MYH14: variants seen among roughly 807,000 people sequenced by gnomAD.
MYH14 encodes myosin heavy chain 14, also known as myosin-14.
Under a neutral mutation model 255.5 loss-of-function variants are expected in MYH14, and 123 were observed. That is an observed-to-expected ratio of 0.48 (90% CI 0.42 to 0.56). MYH14 has a LOEUF of 0.56. MYH14 is among the 20% of genes least tolerant of loss of function. The pLI, the probability that MYH14 is intolerant of heterozygous loss-of-function variation, is 0.00. For synonymous variants in MYH14, 1,095 were observed against 1,161.2 expected, an observed-to-expected ratio of 0.94 and a Z score of 1.16; for missense variants, 2,423 against 2,802.3, an observed-to-expected ratio of 0.86 and a Z score of 3.06.
chr19:50,287,032 C>T (rs1450273010), intron 34 of MYH14, among the ~76,000 whole-genome samples: 1 of 152,020 alleles, frequency 6.6e-6, no homozygotes, highest in African/African-American at 2.4e-5. Context: ...GCAGGAGAAT[C>T]GCTTGAATTC....
At chr19:50,301,418 T>C (rs1008545865) in intron 39 of MYH14, among the ~76,000 whole-genome samples, 3 of 152,174 alleles carry the variant, frequency 2.0e-5, no homozygotes, top group Non-Finnish European at 2.9e-5. Context: ...CGTGGACTTA[T>C]TAAAGTAAGC....
At position 50,245,429 on chromosome 19, in the gene MYH14, AAAAGAAGAAGAAAGAAAG is replaced by A. The variant is rs1332816728; in HGVS notation, c.1210+1096_1210+1113del. On this transcript the variant is annotated intron_variant, in intron 11 of 42. Coordinates refer to ENST00000642316, the MANE Select transcript of MYH14 (RefSeq NM_001145809.2). ...AGCAAGAATCTGTCTCCAAAAAAAA[AAAAGAAGAAGAAAGAAAG>A]AAAAAGAAGAAGAAAGAAAGAAAAA... Among the ~76,000 whole-genome samples the A allele has an allele frequency of 2.6e-3, 346 of 130,916 alleles. 7 individuals carry two copies. The highest frequency in any genetic ancestry group is 9.5e-3 in the African/African-American group (330 of 34,912). The allele number at this position is 130,916 out of a possible 152,430, so 85.9% of individuals were successfully genotyped here.
At position 50,221,713 on chromosome 19, in the gene MYH14, G is replaced by A. The variant is rs1288716744; in HGVS notation, c.563-1370G>A. Reference sequence around the variant, plus strand: ...GCTGGTCTTGAACTCCTGACTTCGGGTGATCTGCTGGCCTCGGCCTCCCAA... The same window carrying A: ...GCTGGTCTTGAACTCCTGACTTCGGATGATCTGCTGGCCTCGGCCTCCCAA... On this transcript the variant is annotated intron_variant, in intron 3 of 42. Transcript: ENST00000642316. This position sits in a 1 kb window ranked among gnomAD's most constrained non-coding sequence, Gnocchi z 5.3. Among the ~76,000 whole-genome samples, 2 of 152,108 alleles carry A rather than the reference G, an allele frequency of 1.3e-5. No homozygotes were observed. The highest frequency in any genetic ancestry group is 6.5e-5 in the Admixed American group (1 of 15,272).
At position 50,267,165 on chromosome 19, in the gene MYH14, C is replaced by G. The variant is rs186186996; in HGVS notation, c.2826+157C>G. Among the ~76,000 whole-genome samples the G allele has an allele frequency of 7.9e-3, 1,205 of 151,984 alleles. 17 individuals are homozygous for G. Among genetic ancestry groups the G allele is most frequent in the African/African-American group, 0.026 (1,073 of 41,396 alleles). On this transcript the variant is annotated intron_variant, in intron 23 of 42. Coordinates refer to ENST00000642316, the MANE Select transcript of MYH14 (RefSeq NM_001145809.2). The stretch of plus-strand genomic sequence containing the variant: ...GGAGCAAAGCTAAGGTGTACTGAGG[C>G]CGGGCGGGGATTGGGGCTGTTTAGT...
chr19:50,220,645 C>T (rs905384590), intron 3 of MYH14, among the ~76,000 whole-genome samples: 45 of 151,954 alleles, frequency 3.0e-4, no homozygotes, highest in Non-Finnish European at 4.0e-4. Flanking sequence ...AACCTCCTCC[C>T]GGGTTCAAGC....
chr19:50,255,575 G>A (rs1046498741), intron 17 of MYH14, among the ~76,000 whole-genome samples: 1 of 152,084 alleles, frequency 6.6e-6, no homozygotes, highest in African/African-American at 2.4e-5. Context: ...CACTTACTAT[G>A]TGCCGTTCAC....
At chr19:50,301,906 TC>T (rs1371551017) in intron 40 of MYH14, 37 bp downstream of exon 40, 1 of 1,528,912 alleles carries the variant, frequency 6.5e-7, no homozygotes, top group Non-Finnish European at 9.0e-7. Context: ...AAAGGTGACC[TC>T]CACATTCTGG....
Position 50,250,730 on chromosome 19 carries a change from T to C in MYH14, c.1830+42T>C. The C allele has an allele frequency of 6.3e-7, 1 of 1,575,514 alleles. No homozygotes were observed. Among genetic ancestry groups the C allele is most frequent in the South Asian group, 1.2e-5 (1 of 86,240 alleles). On this transcript the variant is annotated intron_variant, in intron 15 of 42. Coordinates refer to ENST00000642316, the MANE Select transcript of MYH14 (RefSeq NM_001145809.2). The surrounding 1 kb of genome is among the most constrained non-coding windows in gnomAD (Gnocchi z 5.4). ...GCCTTGGGGCATGTGGGAGTGGGGATCAAGGGATCTCCACTGGCTACAGAT... is the reference window on the plus strand; with the variant it reads ...GCCTTGGGGCATGTGGGAGTGGGGACCAAGGGATCTCCACTGGCTACAGAT...
intron 39 of MYH14, among the ~76,000 whole-genome samples, chr19:50,296,984 T>TGGTTTG (rs35580414): frequency 3.3e-5 from 5 of 151,628 alleles, no homozygotes; most frequent in Non-Finnish European, 7.4e-5. Flanking sequence ...CTCTGTTTTT[T>TGGTTTG]TTTGTTTGTT....
chr19:50,228,945 T>A (rs996712472), intron 8 of MYH14, among the ~76,000 whole-genome samples: 1 of 152,202 alleles, frequency 6.6e-6, no homozygotes, highest in African/African-American at 2.4e-5. Context: ...CCCTCGGCAC[T>A]AGCATCAGTG....
intron 32 of MYH14, 46 bp from the exon 33 acceptor site, chr19:50,281,548 C>T: frequency 6.6e-7 from 1 of 1,523,718 alleles, no homozygotes; most frequent in Non-Finnish European, 8.8e-7. Flanking sequence ...ACACCTTGGT[C>T]ACTCATGGCC....
intron 7 of MYH14, 117 bp from the exon 8 acceptor site, chr19:50,226,786 G>T (rs1381871464): frequency 3.0e-5 from 27 of 914,466 alleles, no homozygotes; most frequent in African/African-American, 3.3e-5. Flanking sequence ...AGGGAGCAAG[G>T]AAGTGGGGGG....
chr19:50,287,603 G>A (rs1307305780), intron 34 of MYH14, among the ~76,000 whole-genome samples: 1 of 151,954 alleles, frequency 6.6e-6, no homozygotes, highest in Non-Finnish European at 1.5e-5. Flanking sequence ...TGTGGAGATG[G>A]GGTCTTGCTG....
At chr19:50,257,022 G>C (rs1051467584) in intron 17 of MYH14, among the ~76,000 whole-genome samples, 2 of 152,128 alleles carry the variant, frequency 1.3e-5, no homozygotes, top group Non-Finnish European at 2.9e-5. Flanking sequence ...AGAGAAGAAG[G>C]GTCAAAGACC....
intron 40 of MYH14, among the ~76,000 whole-genome samples, chr19:50,306,519 T>C (rs2036659292): frequency 6.6e-6 from 1 of 152,112 alleles, no homozygotes; most frequent in African/African-American, 2.4e-5. Context: ...AAGATTCAAG[T>C]CTGCTGAAAT....
intron 10 of MYH14, among the ~76,000 whole-genome samples, chr19:50,236,152 T>C (rs185174114): frequency 4.0e-4 from 61 of 151,700 alleles, no homozygotes; most frequent in Non-Finnish European, 6.9e-4. Context: ...GGCAACATGA[T>C]GCAACCTCGT....
At chr19:50,287,552 A>G (rs998589516) in intron 34 of MYH14, among the ~76,000 whole-genome samples, 2 of 152,060 alleles carry the variant, frequency 1.3e-5, no homozygotes, top group African/African-American at 4.8e-5. Flanking sequence ...AGCAGAGACT[A>G]CAGGTGCATT....
rs1419565939 is a variant in MYH14, at chr19:50,280,947, G to A, written c.4290+564G>A. On this transcript the variant is annotated intron_variant, in intron 32 of 42. Transcript: ENST00000642316. The surrounding 1 kb of genome is among the most constrained non-coding windows in gnomAD (Gnocchi z 4.8). ...TCCCCTGTGGGAAGTTTCCTGACCC[G>A]TCTTCTCTTTCTCCTCTGTCCCAAC... is the stretch of plus-strand genomic sequence containing the variant. Among the ~76,000 whole-genome samples the A allele has an allele frequency of 2.0e-5, 3 of 152,044 alleles. No individual in the cohort carries two copies. The highest frequency in any genetic ancestry group is 4.4e-5 in the Non-Finnish European group (3 of 68,022).
chr19:50,209,598 C>T (rs1264020470), intron 1 of MYH14, among the ~76,000 whole-genome samples: 1 of 150,974 alleles, frequency 6.6e-6, no homozygotes, highest in Non-Finnish European at 1.5e-5. Context: ...ACCTGGATAA[C>T]ACAGTGAAAC....
Sources: gnomAD v4.1 joint callset for allele counts (sites outside exome capture counted in the v4.1 genomes callset) on GRCh38, gnomAD v4.1.1 for gene constraint, Gnocchi (gnomAD v3.1) non-coding constraint, MANE v1.5 for transcripts, NCBI Gene and HGNC (gene_info 2026-07-23, HGNC 2026-07-21) for gene names.